Variants in CFAP47 observed in about 807,000 individuals in gnomAD.
The protein encoded by CFAP47 is cilia and flagella associated protein 47.
Under a neutral mutation model 148.1 loss-of-function variants are expected in CFAP47, and 29 were observed. That is an observed-to-expected ratio of 0.20 (90% CI 0.15 to 0.27). The LOEUF (loss-of-function observed/expected upper bound fraction) is 0.27, where lower values mean the gene tolerates loss of function less well. Ranked by LOEUF, CFAP47 falls within the 10% of genes least tolerant of loss-of-function variation. The probability of loss-of-function intolerance (pLI) is 1.00; values close to 1 mark genes in which losing one functional copy is unlikely to be tolerated. For synonymous variants in CFAP47, 664 were observed against 577.3 expected, an observed-to-expected ratio of 1.15 and a Z score of -2.15; for missense variants, 1,872 against 1,697.5, an observed-to-expected ratio of 1.10 and a Z score of -1.81.
intron 54 of CFAP47, among the ~76,000 whole-genome samples, chrX:36,305,667 T>G (rs781894099): frequency 6.3e-5 from 7 of 111,503 alleles, no homozygotes; most frequent in Non-Finnish European, 9.4e-5. Flanking sequence ...GAAAAATATA[T>G]AGAGAGAAAT....
chrX:36,317,383 G>C (rs945792466), intron 56 of CFAP47, among the ~76,000 whole-genome samples: 1 of 109,281 alleles, frequency 9.2e-6, no homozygotes, highest in Non-Finnish European at 1.9e-5. Flanking sequence ...GGGAAGTTGG[G>C]GTATCAAATA....
rs1412805943 is a variant in CFAP47, at chrX:36,385,196, G to A, written c.*190G>A. 4 of 378,723 alleles carry A rather than the reference G, an allele frequency of 1.1e-5. No homozygotes were observed. Among genetic ancestry groups the A allele is most frequent in the Middle Eastern group, 7.3e-4 (1 of 1,365 alleles). 31.2% of individuals were successfully genotyped at this position (378,723 alleles called of 1,213,427 possible). A position where few individuals can be genotyped will look rare whatever the true frequency, so the allele number is the denominator to read the frequency against. On this transcript the variant is annotated 3_prime_UTR_variant, in exon 64 of 64. Coordinates refer to ENST00000378653, the MANE Select transcript of CFAP47 (RefSeq NM_001304548.2). ...TGAGTTATGAATGTTTTTTGGTTGC[G>A]AACATTGGAATTGGTTCACTTTTAA...
At chrX:36,099,713 A>G in intron 31 of CFAP47, 38 bp from the exon 32 acceptor site, 1 of 657,050 alleles carries the variant, frequency 1.5e-6, no homozygotes, top group Non-Finnish European at 2.3e-6. Flanking sequence ...AATTTGCCTT[A>G]AATTTTAATT....
chrX:36,365,927 G>A (rs1289314072), intron 61 of CFAP47: 1 of 111,390 alleles, frequency 9.0e-6, no homozygotes, highest in African/African-American at 3.3e-5. Flanking sequence ...CTTTGCTACT[G>A]TGAATAGTGC....
At chrX:36,017,733 G>A (rs185622962) in intron 22 of CFAP47, among the ~76,000 whole-genome samples, 1 of 110,740 alleles carries the variant, frequency 9.0e-6, no homozygotes, top group African/African-American at 3.3e-5. Flanking sequence ...ATTTCATTGC[G>A]TTTGTCTATG....
rs1369980432 is a variant in CFAP47 at position 36,071,805 on chromosome X, A to G, written c.4319-20A>G. ...GTGAATGCATGTTTTGCTTACTGTG[A>G]TCCAATGTGTCATTTGTAGATAAGG... On this transcript the variant is annotated intron_variant, in intron 27 of 63. Transcript: ENST00000378653. 1 of 1,193,838 alleles carries G rather than the reference A, an allele frequency of 8.4e-7. No individual in the cohort carries two copies. Among genetic ancestry groups the G allele is most frequent in the African/African-American group, 1.8e-5 (1 of 56,513 alleles).
chrX:36,218,715 G>A lies in CFAP47; in HGVS notation c.6818-9913G>A, dbSNP rs782597970. Among the ~76,000 whole-genome samples the A allele has an allele frequency of 8.9e-5, 10 of 112,007 alleles. No individual in the cohort carries two copies. In the East Asian group the frequency reaches 1.7e-3, roughly 19 times the overall value. Reference sequence around the variant, plus strand: ...TCTTGAGAAAGTGCCTGAGATGGTCGAGTTACAGTTTGGTTTTATACATTT... The same window carrying A: ...TCTTGAGAAAGTGCCTGAGATGGTCAAGTTACAGTTTGGTTTTATACATTT... On this transcript the variant is annotated intron_variant, in intron 45 of 63. Transcript: ENST00000378653.
At position 36,236,770 on chromosome X, in the gene CFAP47, G is replaced by A; in HGVS notation, c.7243G>A (p.Glu2415Lys). The A allele has an allele frequency of 1.9e-6, 1 of 523,992 alleles. No homozygotes were observed. The highest frequency in any genetic ancestry group is 3.5e-6 in the Non-Finnish European group (1 of 286,228). 43.2% of individuals were successfully genotyped at this position (523,992 alleles called of 1,213,427 possible). A position where few individuals can be genotyped will look rare whatever the true frequency, so the allele number is the denominator to read the frequency against. The change falls in exon 48 of 64, where the codon GAA (glutamate) becomes AAA (lysine). Residue 2415 changes from glutamate to lysine, a missense_variant. Transcript: ENST00000378653. The part of the protein sequence containing the change: ...KGVGKKPSAL[E>K]HITVECQVGN... The stretch of plus-strand genomic sequence containing the variant: ...GGTTGGGAAAAAACCTTCGGCCTTG[G>A]AACACATCACTGTGGAATGTCAAGT...
At chrX:36,112,754 A>G (rs768249156) in intron 33 of CFAP47, among the ~76,000 whole-genome samples, 7 of 111,432 alleles carry the variant, frequency 6.3e-5, no homozygotes, top group Non-Finnish European at 1.3e-4. Context: ...GAAGGTCTCT[A>G]AGAACTTGCT....
chrX:36,141,755 C>T (rs1439741992), intron 35 of CFAP47, among the ~76,000 whole-genome samples: 1 of 111,751 alleles, frequency 8.9e-6, no homozygotes, highest in African/African-American at 3.3e-5. Context: ...AGTTTTTTAA[C>T]AAAGTTATCA....
At chrX:36,180,395 A>T (rs1224362488) in intron 40 of CFAP47, among the ~76,000 whole-genome samples, 1 of 112,016 alleles carries the variant, frequency 8.9e-6, no homozygotes, top group Non-Finnish European at 1.9e-5. Context: ...AATGAAATGC[A>T]TGCCTATGTT....
intron 40 of CFAP47, among the ~76,000 whole-genome samples, chrX:36,180,808 C>A (rs1939741645): frequency 8.9e-6 from 1 of 111,737 alleles, no homozygotes; most frequent in African/African-American, 3.2e-5. Flanking sequence ...AGTCTTCTTT[C>A]ACATTTTGCT....
chrX:36,100,854 A>G (rs1002378096), intron 32 of CFAP47, among the ~76,000 whole-genome samples: 20 of 111,835 alleles, frequency 1.8e-4, no homozygotes, highest in Middle Eastern at 4.7e-3. Context: ...TCAAGATCAC[A>G]TGAATTTGAC....
At chrX:36,182,993 A>G (rs1939767668) in intron 40 of CFAP47, among the ~76,000 whole-genome samples, 1 of 112,197 alleles carries the variant, frequency 8.9e-6, no homozygotes, top group African/African-American at 3.2e-5. Context: ...TCCTGCCACA[A>G]CTATCGTTGA....
At chrX:36,341,281 C>T (rs1031583385) in intron 57 of CFAP47, among the ~76,000 whole-genome samples, 12 of 110,429 alleles carry the variant, frequency 1.1e-4, no homozygotes, top group South Asian at 3.8e-4. Context: ...GTGATCTGCC[C>T]GCCTCGGCCT....
intron 48 of CFAP47, among the ~76,000 whole-genome samples, chrX:36,242,421 T>C (rs1555996193): frequency 9.0e-6 from 1 of 111,420 alleles, no homozygotes; most frequent in Non-Finnish European, 1.9e-5. Flanking sequence ...AGGAATCCAA[T>C]AAAATGATCC....
chrX:35,960,441 A>G (rs1228497934), intron 8 of CFAP47, among the ~76,000 whole-genome samples: 1 of 103,377 alleles, frequency 9.7e-6, no homozygotes, highest in African/African-American at 3.6e-5. Flanking sequence ...ATTGTGTTGA[A>G]TTTGTAAGTC....
chrX:35,924,335 A>G lies in CFAP47; in HGVS notation c.250-1682A>G, dbSNP rs748557694. Among the ~76,000 whole-genome samples, 149 of 106,716 alleles carry G rather than the reference A, an allele frequency of 1.4e-3. 7 individuals are homozygous for G. Among genetic ancestry groups the G allele is most frequent in the African/African-American group, 4.0e-3 (114 of 28,159 alleles). 92.7% of individuals were successfully genotyped at this position (106,716 alleles called of 115,157 possible). On this transcript the variant is annotated intron_variant, in intron 1 of 63. Transcript: ENST00000378653. ...TATGTACATGTATGTGTATATGTGT[A>G]CATATATGTGTGCATATGTGTATAT...
intron 2 of CFAP47, among the ~76,000 whole-genome samples, chrX:35,927,788 A>G (rs1935767550): frequency 9.1e-6 from 1 of 110,178 alleles, no homozygotes; most frequent in Non-Finnish European, 1.9e-5. Context: ...ACACCCACGA[A>G]CCCTAAACTG....
Sources: gnomAD v4.1 joint callset for allele counts (sites outside exome capture counted in the v4.1 genomes callset) on GRCh38, gnomAD v4.1.1 for gene constraint, MANE v1.5 for transcripts, NCBI Gene and HGNC (gene_info 2026-07-23, HGNC 2026-07-21) for gene names.